Variants in NLGN1 observed in about 807,000 individuals in gnomAD.
NLGN1 encodes neuroligin 1.
In NLGN1, 12 loss-of-function variants were observed where a neutral mutation model predicts 65.5. The observed-to-expected ratio is 0.18, with a 90% confidence interval of 0.12 to 0.30. The LOEUF (loss-of-function observed/expected upper bound fraction) is 0.30. Among genes scored for constraint, NLGN1 ranks in the 10% least tolerant of loss-of-function variants. The pLI is 1.00. For synonymous variants in NLGN1, 350 were observed against 359.5 expected (o/e 0.97, Z 0.30); for missense variants, 750 against 1,007.1 (o/e 0.74, Z 3.46).
chr3:173,892,896 A>G (rs1314968996), intron 4 of NLGN1, among the ~76,000 whole-genome samples: 1 of 152,158 alleles, frequency 6.6e-6, no homozygotes, highest in African/African-American at 2.4e-5. Context: ...GTAGGTAACA[A>G]TATTGTACTA....
intron 4 of NLGN1, among the ~76,000 whole-genome samples, chr3:174,094,845 A>T (rs1358852946): frequency 6.6e-6 from 1 of 151,752 alleles, no homozygotes; most frequent in East Asian, 1.9e-4. Flanking sequence ...TCATTTCATC[A>T]GCCTTGGGAC....
Position 173,496,683 on chromosome 3 carries a change from CAAAAT to C in NLGN1, c.-321+61609_-321+61613del, listed in dbSNP as rs1420937741. ...AACATAAATGTGGTTGATGGAGAGA[CAAAAT>C]AAAGGATTTTTCTTAATGAGAATAT... On this transcript the variant is annotated intron_variant, in intron 2 of 6. Transcript: ENST00000457714. Among the ~76,000 whole-genome samples the C allele has an allele frequency of 2.0e-5, 3 of 151,100 alleles. No individual in the cohort carries two copies. In the East Asian group the frequency reaches 5.8e-4, roughly 29 times the overall value.
At position 173,975,134 on chromosome 3, in the gene NLGN1, C is replaced by T. The variant is rs74452411; in HGVS notation, c.646+167302C>T. 8.7e-4 allele frequency among the ~76,000 whole-genome samples: 133 copies of T among 152,086 alleles called. 1 individual carries two copies. The East Asian group carries it at 0.023, about 26-fold the overall frequency. On this transcript the variant is annotated intron_variant, in intron 4 of 6. Coordinates refer to ENST00000457714, the Ensembl canonical transcript of NLGN1. The stretch of plus-strand genomic sequence containing the variant: ...TGTAACCACTTTTGTAAGATGTGCA[C>T]GTTTACACTTACAGTTGTCTTTAGG...
chr3:173,474,362 C>T (rs894900617), intron 2 of NLGN1, among the ~76,000 whole-genome samples: 2 of 152,082 alleles, frequency 1.3e-5, no homozygotes, highest in African/African-American at 2.4e-5. Flanking sequence ...GGAAAAGTGG[C>T]AATTATTCTG....
chr3:173,694,156 A>C (rs1765863855), intron 3 of NLGN1, among the ~76,000 whole-genome samples: 1 of 152,128 alleles, frequency 6.6e-6, no homozygotes, highest in Non-Finnish European at 1.5e-5. Context: ...TTGCTGGTCA[A>C]AGTTGTGAAA....
intron 4 of NLGN1, among the ~76,000 whole-genome samples, chr3:174,226,658 A>G (rs1300953206): frequency 2.6e-5 from 4 of 152,124 alleles, no homozygotes; most frequent in African/African-American, 7.2e-5. Context: ...CTACTTTTTA[A>G]GTATTTTACA....
At chr3:174,288,187 C>CA (rs1331760852), downstream of NLGN1, among the ~76,000 whole-genome samples, 2 of 150,998 alleles carry the variant, frequency 1.3e-5, no homozygotes, top group Non-Finnish European at 1.5e-5. Context: ...TTCTTGAGTT[C>CA]AAAAAAAATT....
chr3:173,839,019 T>C (rs1560470511), intron 4 of NLGN1, among the ~76,000 whole-genome samples: 1 of 152,040 alleles, frequency 6.6e-6, no homozygotes, highest in East Asian at 1.9e-4. Context: ...TTTTATATCA[T>C]CAGGAACCAA....
chr3:173,729,491 G>A (rs1400005500), intron 3 of NLGN1, among the ~76,000 whole-genome samples: 2 of 151,968 alleles, frequency 1.3e-5, no homozygotes, highest in African/African-American at 4.8e-5. Flanking sequence ...AGGGACATAA[G>A]TTGCGTGGAT....
At chr3:173,606,478 T>C (rs1275318731) in intron 3 of NLGN1, among the ~76,000 whole-genome samples, 2 of 152,042 alleles carry the variant, frequency 1.3e-5, no homozygotes, top group Non-Finnish European at 2.9e-5. Context: ...GAATTTCCAA[T>C]CTTCATACAG....
chr3:174,122,253 G>A (rs750632686), intron 4 of NLGN1, among the ~76,000 whole-genome samples: 4 of 152,004 alleles, frequency 2.6e-5, no homozygotes, highest in Non-Finnish European at 4.4e-5. Flanking sequence ...ATTTTCCCCC[G>A]TATAGCAGAT....
chr3:173,866,360 AC>A (rs1730158900), intron 4 of NLGN1, among the ~76,000 whole-genome samples: 1 of 152,088 alleles, frequency 6.6e-6, no homozygotes, highest in Admixed American at 6.5e-5. Flanking sequence ...CTCAAAAGAA[AC>A]AAACAAACAA....
intron 2 of NLGN1, among the ~76,000 whole-genome samples, chr3:173,485,291 G>C (rs770451409): frequency 7.2e-5 from 11 of 152,098 alleles, no homozygotes; most frequent in Middle Eastern, 3.4e-3. Flanking sequence ...GATTTGAATG[G>C]GGACACAGAG....
chr3:173,640,477 G>A (rs1426965358), intron 3 of NLGN1, among the ~76,000 whole-genome samples: 1 of 151,896 alleles, frequency 6.6e-6, no homozygotes, highest in East Asian at 1.9e-4. Context: ...ACAGATAGCA[G>A]GACACTTCAC....
At chr3:173,431,955 A>C (rs1427844138) in intron 1 of NLGN1, among the ~76,000 whole-genome samples, 3 of 152,176 alleles carry the variant, frequency 2.0e-5, no homozygotes, top group African/African-American at 7.2e-5. Flanking sequence ...GCTTTTTAAA[A>C]ATGTCGTATA....
chr3:173,900,363 T>C (rs1737116595), intron 4 of NLGN1, among the ~76,000 whole-genome samples: 1 of 152,038 alleles, frequency 6.6e-6, no homozygotes, highest in African/African-American at 2.4e-5. Context: ...GATGTGAATA[T>C]ACCCTAATAT....
chr3:173,654,700 T>C (rs1053819610), intron 3 of NLGN1, among the ~76,000 whole-genome samples: 2 of 152,194 alleles, frequency 1.3e-5, no homozygotes, highest in Non-Finnish European at 2.9e-5. Flanking sequence ...TGAAGAATTA[T>C]GTATACATTT....
At chr3:173,498,786 T>G (rs376095218) in intron 2 of NLGN1, among the ~76,000 whole-genome samples, 11 of 151,602 alleles carry the variant, frequency 7.3e-5, no homozygotes, top group Non-Finnish European at 1.5e-4. Flanking sequence ...GTTTTGATTT[T>G]CATTTCTCTG....
At chr3:174,150,284 CA>C (rs1724085698) in intron 4 of NLGN1, among the ~76,000 whole-genome samples, 1 of 152,004 alleles carries the variant, frequency 6.6e-6, no homozygotes, top group Non-Finnish European at 1.5e-5. Context: ...TTTTCTGTAT[CA>C]AAGTTAATGT....
Sources: gnomAD v4.1 joint callset for allele counts (sites outside exome capture counted in the v4.1 genomes callset) on GRCh38, gnomAD v4.1.1 for gene constraint, MANE v1.5 for transcripts, NCBI Gene and HGNC (gene_info 2026-07-23, HGNC 2026-07-21) for gene names.